FAM149B1: variants seen among roughly 807,000 people sequenced by gnomAD.
FAM149B1 encodes family with sequence similarity 149 member B1.
FAM149B1 carries 56 observed loss-of-function variants against 75.3 expected under a neutral mutation model. The ratio of observed to expected loss-of-function variants is 0.74; its 90% CI spans 0.60 to 0.93. The LOEUF is 0.93. Among genes scored for constraint, FAM149B1 ranks in the 40% least tolerant of loss-of-function variants. The pLI is 0.00. For synonymous variants in FAM149B1, 259 were observed against 256.1 expected (o/e 1.01, Z -0.11); for missense variants, 639 against 708.4 (o/e 0.90, Z 1.11).
chr10:73,194,974 A>G (rs1014948825), intron 5 of FAM149B1, among the ~76,000 whole-genome samples: 80 of 152,254 alleles, frequency 5.3e-4, no homozygotes, highest in African/African-American at 1.8e-3. Context: ...GTGAGCCACC[A>G]CGCCCAGCCC....
At chr10:73,222,272 A>G (rs2043434592) in intron 7 of FAM149B1, among the ~76,000 whole-genome samples, 1 of 152,200 alleles carries the variant, frequency 6.6e-6, no homozygotes, top group Admixed American at 6.5e-5. Flanking sequence ...GGTCTGGAGC[A>G]ATGTTCAGTC....
rs767913197 is a variant in FAM149B1 at position 73,233,109 on chromosome 10, A to T, written c.1298A>T (p.His433Leu). Residue 433 changes from histidine to leucine, a missense_variant, in exon 10 of 14, where the codon CAT becomes CTT. Coordinates refer to ENST00000242505, the MANE Select transcript of FAM149B1 (RefSeq NM_173348.2). ...ACTCTTCATCCGATCAGCACGAGCC[A>T]TTCATGTGCTGAAACACCAAGATCT... is the stretch of plus-strand genomic sequence containing the variant. The part of the protein sequence containing the change: ...PRTLHPISTS[H>L]SCAETPRSVE... 5.8e-6 allele frequency: 9 copies of T among 1,551,676 alleles called. No individual in the cohort carries two copies. Among genetic ancestry groups the T allele is most frequent in the Non-Finnish European group, 7.0e-6 (8 of 1,147,024 alleles).
chr10:73,205,523 C>A (rs186838037), intron 5 of FAM149B1, among the ~76,000 whole-genome samples: 47 of 152,060 alleles, frequency 3.1e-4, no homozygotes, highest in African/African-American at 1.0e-3. Flanking sequence ...TATAAATTAC[C>A]CAGTCTCAGG....
chr10:73,227,799 G>T (rs1185512310), intron 7 of FAM149B1, among the ~76,000 whole-genome samples: 1 of 152,152 alleles, frequency 6.6e-6, no homozygotes, highest in African/African-American at 2.4e-5. Context: ...AACTCCAAAG[G>T]TATGTAGGAC....
At chr10:73,234,250 A>T (rs2043772959) in intron 10 of FAM149B1, 1 of 154,436 alleles carries the variant, frequency 6.5e-6, no homozygotes, top group Admixed American at 6.3e-5. Context: ...AGTAGTCTTG[A>T]TGTATAATTA....
chr10:73,188,119 C>T (rs1368760192), intron 3 of FAM149B1, among the ~76,000 whole-genome samples: 3 of 151,886 alleles, frequency 2.0e-5, no homozygotes, highest in Non-Finnish European at 4.4e-5. Flanking sequence ...GTGGTACTGA[C>T]AAAAAGATGG....
At position 73,228,148 on chromosome 10, in the gene FAM149B1, GC is replaced by G; in HGVS notation, c.989del (p.Pro330HisfsTer13). On this transcript the variant is annotated frameshift_variant, in exon 8 of 14. Coordinates refer to ENST00000242505, the MANE Select transcript of FAM149B1 (RefSeq NM_173348.2). LOFTEE classifies it high-confidence loss of function. ...ELHPLVLPRV[P>X]QSKVLYITSN... ...TACATCCTTTGGTGTTACCGCGAGT[GC>G]CACAGTCTAAGGTGCTGTACATTAC... 6.4e-7 allele frequency: 1 copy of G among 1,551,604 alleles called. No individual in the cohort carries two copies. Among genetic ancestry groups the G allele is most frequent in the South Asian group, 1.2e-5 (1 of 84,058 alleles).
chr10:73,220,573 T>G (rs1255772008), intron 7 of FAM149B1, among the ~76,000 whole-genome samples: 2 of 152,198 alleles, frequency 1.3e-5, no homozygotes, highest in Admixed American at 6.6e-5. Context: ...TGGGATGAAT[T>G]GTTTCCCCCC....
intron 5 of FAM149B1, among the ~76,000 whole-genome samples, chr10:73,197,445 T>G (rs2042830423): frequency 6.9e-6 from 1 of 145,020 alleles, no homozygotes; most frequent in Non-Finnish European, 1.5e-5. Flanking sequence ...TCCTCAGCAC[T>G]GAAGACGGTG....
chr10:73,224,763 C>T (rs1589183761), intron 7 of FAM149B1, among the ~76,000 whole-genome samples: 1 of 152,264 alleles, frequency 6.6e-6, no homozygotes, highest in East Asian at 1.9e-4. Flanking sequence ...TGAGCCACCA[C>T]ACCCAGCCAC....
In FAM149B1 at chr10:73,234,899, G is replaced by T; in HGVS notation, c.1435G>T (p.Glu479Ter). The change falls in exon 11 of 14, where the codon GAA (glutamate) becomes TAA (stop). Residue 479 changes from glutamate to a stop codon, truncating the protein, a stop_gained. Transcript: ENST00000242505. LOFTEE classifies it high-confidence loss of function. ...NNLLPPIGTA[E>*]VEHVSTVGPQ... ...TCTGCTACCACCTATTGGCACAGCT[G>T]AAGTGGAACATGTGAGCACTGTGGG... 8 of 1,552,018 alleles carry T rather than the reference G, an allele frequency of 5.2e-6. No individual in the cohort carries two copies. Among genetic ancestry groups the T allele is most frequent in the Non-Finnish European group, 7.0e-6 (8 of 1,147,062 alleles).
intron 7 of FAM149B1, 58 bp downstream of exon 7, chr10:73,210,496 A>C (rs113656616): frequency 5.6e-6 from 7 of 1,253,066 alleles, no homozygotes; most frequent in African/African-American, 3.0e-5. Context: ...CTAAACCCTA[A>C]CCAGTCTATT....
chr10:73,209,724 G>C (rs2043146414), intron 6 of FAM149B1, among the ~76,000 whole-genome samples: 1 of 152,134 alleles, frequency 6.6e-6, no homozygotes, highest in Non-Finnish European at 1.5e-5. Flanking sequence ...CTACCTTTCT[G>C]TGACATTAAC....
chr10:73,185,608 C>CT (rs2042502958), intron 3 of FAM149B1, among the ~76,000 whole-genome samples: 1 of 152,100 alleles, frequency 6.6e-6, no homozygotes, highest in Non-Finnish European at 1.5e-5. Flanking sequence ...CTAGTAAACT[C>CT]TATCAAATAT....
Position 73,168,131 on chromosome 10 carries a change from G to A in FAM149B1, c.-209G>A, listed in dbSNP as rs1259357421. 1.6e-5 allele frequency: 9 copies of A among 570,950 alleles called. No individual in the cohort carries two copies. The highest frequency in any genetic ancestry group is 4.5e-5 in the South Asian group (2 of 44,894). 35.4% of individuals were successfully genotyped at this position (570,950 alleles called of 1,614,324 possible). ...GGGGGCCTTCGTCACTTCCGCCCCC[G>A]CGGCAAAGCAGGGAGGTCGGAGGAC... On this transcript the variant is annotated 5_prime_UTR_variant, in exon 1 of 14. Coordinates refer to ENST00000242505, the MANE Select transcript of FAM149B1 (RefSeq NM_173348.2).
chr10:73,182,653 G>A (rs1258427664), intron 3 of FAM149B1, among the ~76,000 whole-genome samples: 1 of 152,172 alleles, frequency 6.6e-6, no homozygotes, highest in African/African-American at 2.4e-5. Flanking sequence ...CATGTAGAGA[G>A]GAATTAAAGC....
At position 73,194,777 on chromosome 10, in the gene FAM149B1, A is replaced by T. The variant is rs185746289; in HGVS notation, c.542+1184A>T. 1.1e-3 allele frequency among the ~76,000 whole-genome samples: 159 copies of T among 151,306 alleles called. 1 individual carries two copies. The highest frequency in any genetic ancestry group is 3.6e-3 in the African/African-American group (149 of 41,164). On this transcript the variant is annotated intron_variant, in intron 5 of 13. Coordinates refer to ENST00000242505, the MANE Select transcript of FAM149B1 (RefSeq NM_173348.2). ...CAGCTCACTGTAACCTCCGCCTCCC[A>T]GGTTCAAGCAATTCTCCTGCCCCAG... is the stretch of plus-strand genomic sequence containing the variant.
intron 1 of FAM149B1, among the ~76,000 whole-genome samples, chr10:73,172,940 CA>C (rs11334763): frequency 0.18 from 21,183 of 117,568 alleles, 2,680 homozygotes; most frequent in African/African-American, 0.38. Context: ...CCAATCTCTA[CA>C]AAAAAAAAAA....
At position 73,240,945 on chromosome 10, in the gene FAM149B1, G is replaced by T; in HGVS notation, c.1676-1G>T. The T allele has an allele frequency of 6.6e-7, 1 of 1,523,726 alleles. No individual in the cohort carries two copies. Among genetic ancestry groups the T allele is most frequent in the Non-Finnish European group, 8.9e-7 (1 of 1,124,818 alleles). 94.4% of individuals were successfully genotyped at this position (1,523,726 alleles called of 1,614,324 possible). On this transcript the variant is annotated splice_acceptor_variant, in intron 13 of 13. Transcript: ENST00000242505. LOFTEE classifies it high-confidence loss of function. ...TAATGTTACTCTATGTCATCTGACA[G>T]GTCCTCAGTTACATGGGTCTACAAA...
Sources: gnomAD v4.1 joint callset for allele counts (sites outside exome capture counted in the v4.1 genomes callset) on GRCh38, gnomAD v4.1.1 for gene constraint, MANE v1.5 for transcripts, NCBI Gene and HGNC (gene_info 2026-07-23, HGNC 2026-07-21) for gene names.